Variants in SLC2A11 observed in about 807,000 individuals in gnomAD.
The protein encoded by SLC2A11 is solute carrier family 2, facilitated glucose transporter member 11.
Under a neutral mutation model 52.1 loss-of-function variants are expected in SLC2A11, and 43 were observed. The ratio of observed to expected loss-of-function variants is 0.82; its 90% CI spans 0.65 to 1.06. The LOEUF (loss-of-function observed/expected upper bound fraction) is 1.06. Ranked by LOEUF, SLC2A11 falls within the 50% of genes least tolerant of loss-of-function variation. The pLI is 0.00. For missense variants in SLC2A11, 582 were observed against 654.2 expected (o/e 0.89, Z 1.20); for synonymous variants, 261 against 277.6 (o/e 0.94, Z 0.59).
chr22:23,857,275 A>G (rs2031867841), upstream of SLC2A11: 2 of 788,882 alleles, frequency 2.5e-6, no homozygotes, highest in Middle Eastern at 3.1e-4. Flanking sequence ...AGACTGTAGC[A>G]AAGGAGGGGG....
chr22:23,873,136 C>T (rs1354203186), intron 3 of SLC2A11: 1 of 152,412 alleles, frequency 6.6e-6, no homozygotes, highest in Admixed American at 6.5e-5. Flanking sequence ...ATTCTCCTGC[C>T]TCAGCCTCCT....
chr22:23,860,642 G>A (rs137972406), intron 1 of SLC2A11, among the ~76,000 whole-genome samples: 1 of 151,048 alleles, frequency 6.6e-6, no homozygotes. Context: ...GCTGAGGCAG[G>A]AGAATCGCTT....
In SLC2A11 at chr22:23,873,631, C is replaced by T. The variant is rs1423795806; in HGVS notation, c.291-1486C>T. ...CTGCTGCTATATACTTAAGGCAGATCGGAGGAGGTATATGACTGTTCCAGC... is the reference window on the plus strand; with the variant it reads ...CTGCTGCTATATACTTAAGGCAGATTGGAGGAGGTATATGACTGTTCCAGC... On this transcript the variant is annotated intron_variant, in intron 3 of 11. Coordinates refer to ENST00000316185, the MANE Select transcript of SLC2A11 (RefSeq NM_001024939.4). Among the ~76,000 whole-genome samples the T allele has an allele frequency of 3.9e-5, 6 of 152,054 alleles. No individual in the cohort carries two copies. In the East Asian group the frequency reaches 9.6e-4, roughly 24 times the overall value.
Position 23,857,882 on chromosome 22 carries a change from A to C in SLC2A11, c.-118A>C. On this transcript the variant is annotated 5_prime_UTR_variant, in exon 1 of 12. Transcript: ENST00000316185. ...CTGCGCGTGCGCTAGCGCCTCTTTC[A>C]CCACTGGGCGCTGCGCGCTGCCCTT... 2 of 1,550,808 alleles carry C rather than the reference A, an allele frequency of 1.3e-6. No homozygotes were observed. Among genetic ancestry groups the C allele is most frequent in the South Asian group, 1.2e-5 (1 of 84,196 alleles).
chr22:23,869,642 C>G, intron 3 of SLC2A11: 1 of 218,798 alleles, frequency 4.6e-6, no homozygotes, highest in Non-Finnish European at 9.0e-6. Context: ...ACAGTGAGCC[C>G]CTGTCTCAAA....
chr22:23,857,724 G>A, upstream of SLC2A11: 1 of 786,296 alleles, frequency 1.3e-6, no homozygotes, highest in Non-Finnish European at 1.5e-6. Context: ...CTGCGCCTGA[G>A]CTTGAGTCTC....
At chr22:23,879,780 C>T (rs1037623720) in intron 6 of SLC2A11, 1 of 152,492 alleles carries the variant, frequency 6.6e-6, no homozygotes, top group African/African-American at 2.4e-5. Context: ...GCACACACCA[C>T]TATGCGTGGC....
intron 5 of SLC2A11, 53 bp from the exon 6 acceptor site, chr22:23,877,668 G>T: frequency 6.6e-7 from 1 of 1,513,706 alleles, no homozygotes. Context: ...AGAGCAGGGT[G>T]GTAGGACTCT....
intron 3 of SLC2A11, 57 bp downstream of exon 3, chr22:23,868,698 C>T: frequency 6.3e-7 from 1 of 1,590,240 alleles, no homozygotes; most frequent in South Asian, 1.1e-5. Context: ...CTGCAGCCTG[C>T]AGGCTGAGGA....
In SLC2A11 at chr22:23,864,243, A is replaced by G. The variant is rs549126817; in HGVS notation, c.129+2041A>G. Among the ~76,000 whole-genome samples the G allele has an allele frequency of 3.4e-4, 52 of 152,224 alleles. 1 individual carries two copies. The highest frequency in any genetic ancestry group is 3.4e-3 in the Middle Eastern group (1 of 294). On this transcript the variant is annotated intron_variant, in intron 2 of 11. Transcript: ENST00000316185. ...AGAAGATAGAGGTGGGGATAGAAAG[A>G]ATGATAGCAGCCCAGCCTCTTAAAG...
At chr22:23,857,186 G>A, upstream of SLC2A11, 1 of 834,226 alleles carries the variant, frequency 1.2e-6, no homozygotes. Context: ...CGGCAGTGGC[G>A]ACCGGCGCAG....
At chr22:23,873,375 G>T (rs1370313850) in intron 3 of SLC2A11, 3 of 150,888 alleles carry the variant, frequency 2.0e-5, no homozygotes, top group Non-Finnish European at 4.4e-5. Context: ...GCAAGACCTT[G>T]AATTTATTTA....
At position 23,884,630 on chromosome 22, in the gene SLC2A11, G is replaced by A; in HGVS notation, c.1300-19G>A. 1 of 1,606,678 alleles carries A rather than the reference G, an allele frequency of 6.2e-7. No individual in the cohort carries two copies. On this transcript the variant is annotated intron_variant, in intron 11 of 11. Transcript: ENST00000316185. The surrounding 1 kb of genome is among the most constrained non-coding windows in gnomAD (Gnocchi z 4.3). ...TTGATGGAGACACACCAGGTCTTGG[G>A]GTCTTTTTTAATCCGCAGGAGGCCT... is the stretch of plus-strand genomic sequence containing the variant.
chr22:23,861,869 G>A (rs1568984039), intron 1 of SLC2A11, among the ~76,000 whole-genome samples: 1 of 152,214 alleles, frequency 6.6e-6, no homozygotes, highest in East Asian at 1.9e-4. Flanking sequence ...TGGGGCTATG[G>A]GTGGGGTGAG....
upstream of SLC2A11, chr22:23,857,741 T>C: frequency 1.5e-6 from 2 of 1,301,684 alleles, no homozygotes; most frequent in East Asian, 2.5e-5. Context: ...TCTCAGGCCT[T>C]AGTCCCGGCC....
At chr22:23,870,343 G>T in intron 3 of SLC2A11, 1 of 350,666 alleles carries the variant, frequency 2.9e-6, no homozygotes, top group Non-Finnish European at 5.2e-6. Flanking sequence ...ACAGGGGGAT[G>T]TAGTTCTTCC....
At chr22:23,865,862 C>G (rs2032243256) in intron 2 of SLC2A11, 1 of 152,104 alleles carries the variant, frequency 6.6e-6, no homozygotes, top group African/African-American at 2.4e-5. Context: ...AAGTTGAGAC[C>G]TAGTTGAAAA....
intron 2 of SLC2A11, chr22:23,867,688 G>T (rs2032316364): frequency 2.1e-6 from 1 of 470,416 alleles, no homozygotes; most frequent in African/African-American, 2.0e-5. Context: ...TCTAGGAAAG[G>T]GAGAGGAGCT....
chr22:23,857,069 TGTGTG>T, upstream of SLC2A11: 4 of 364,926 alleles, frequency 1.1e-5, no homozygotes, highest in East Asian at 6.6e-5. Flanking sequence ...AAAGTGTGTG[TGTGTG>T]GGGGGGGGGG....
Sources: gnomAD v4.1 joint callset for allele counts (sites outside exome capture counted in the v4.1 genomes callset) on GRCh38, gnomAD v4.1.1 for gene constraint, Gnocchi (gnomAD v3.1) non-coding constraint, MANE v1.5 for transcripts, NCBI Gene and HGNC (gene_info 2026-07-23, HGNC 2026-07-21) for gene names.